The following RMST variants were observed in gnomAD, a reference collection of about 807,000 sequenced individuals.
RMST encodes rhabdomyosarcoma 2 associated transcript.
At chr12:97,467,797 T>C (rs1285017146) in intron 5 of RMST, among the ~76,000 whole-genome samples, 1 of 152,026 alleles carries the variant, frequency 6.6e-6, no homozygotes, top group African/African-American at 2.4e-5. Context: ...ATCTGACCCA[T>C]TTGCCTGAAT....
At chr12:97,545,446 C>T (rs754561489) in intron 11 of RMST, among the ~76,000 whole-genome samples, 1 of 151,998 alleles carries the variant, frequency 6.6e-6, no homozygotes, top group Non-Finnish European at 1.5e-5. Context: ...ATTATTAATG[C>T]TGTGGATAAT....
At chr12:97,546,719 ATGT>A (rs1391987389) in intron 11 of RMST, among the ~76,000 whole-genome samples, 1 of 152,108 alleles carries the variant, frequency 6.6e-6, no homozygotes, top group Non-Finnish European at 1.5e-5. Flanking sequence ...GTACAATATG[ATGT>A]TCTGAAATAT....
intron 11 of RMST, among the ~76,000 whole-genome samples, chr12:97,549,557 A>C (rs1306748138): frequency 1.3e-5 from 2 of 152,206 alleles, no homozygotes; most frequent in Non-Finnish European, 2.9e-5. Context: ...TGTCTGTCTC[A>C]AGGGGTAGAC....
At chr12:97,464,272 C>A (rs760134731) in intron 4 of RMST, among the ~76,000 whole-genome samples, 4 of 152,138 alleles carry the variant, frequency 2.6e-5, no homozygotes. Context: ...GTACCAAAAA[C>A]TTTCATTTCC....
At chr12:97,481,639 C>T (rs1252055897) in intron 5 of RMST, among the ~76,000 whole-genome samples, 1 of 152,098 alleles carries the variant, frequency 6.6e-6, no homozygotes, top group African/African-American at 2.4e-5. Context: ...TAATGAAATG[C>T]CAAACAAGCC....
At chr12:97,528,183 A>G (rs543621981) in intron 10 of RMST, among the ~76,000 whole-genome samples, 7 of 152,284 alleles carry the variant, frequency 4.6e-5, no homozygotes, top group Admixed American at 3.3e-4. Flanking sequence ...TTCTAATTCT[A>G]CAAAACATAT....
chr12:97,559,789 T>C (rs1346040596), intron 11 of RMST, among the ~76,000 whole-genome samples: 1 of 152,196 alleles, frequency 6.6e-6, no homozygotes, highest in Non-Finnish European at 1.5e-5. Flanking sequence ...ACTGATTACA[T>C]TGCAAACTAT....
chr12:97,538,538 T>C (rs1882262540), intron 11 of RMST, among the ~76,000 whole-genome samples: 1 of 151,356 alleles, frequency 6.6e-6, no homozygotes, highest in Non-Finnish European at 1.5e-5. Flanking sequence ...CCCAAGAGGC[T>C]AAATAACTGT....
chr12:97,512,104 G>A (rs1879388964), intron 10 of RMST, among the ~76,000 whole-genome samples: 1 of 152,132 alleles, frequency 6.6e-6, no homozygotes, highest in Non-Finnish European at 1.5e-5. Context: ...TGTGTTCAGA[G>A]TTTCTTCTGT....
At chr12:97,531,133 A>G (rs1345821674) in intron 11 of RMST, among the ~76,000 whole-genome samples, 1 of 151,882 alleles carries the variant, frequency 6.6e-6, no homozygotes, top group East Asian at 1.9e-4. Context: ...TTTTCAGAAT[A>G]AGTATTTGGT....
At position 97,467,819 on chromosome 12, in the gene RMST, G is replaced by A. The variant is rs148347023; in HGVS notation, n.644+2092G>A. On this transcript the variant is annotated intron_variant and non_coding_transcript_variant, in intron 5 of 13. Coordinates refer to ENST00000640149, the Ensembl canonical transcript of RMST. Reference sequence around the variant, plus strand: ...CCATTTGCCTGAATTTGGGAGAGGCGGGGGAAAGGCTAAAACCTGGTTCAT... The same window carrying A: ...CCATTTGCCTGAATTTGGGAGAGGCAGGGGAAAGGCTAAAACCTGGTTCAT... Among the ~76,000 whole-genome samples the A allele has an allele frequency of 1.7e-3, 251 of 152,074 alleles. 3 individuals are homozygous for A. Among genetic ancestry groups the A allele is most frequent in the African/African-American group, 5.4e-3 (226 of 41,548 alleles).
rs79376133 is a variant in RMST, at chr12:97,498,905, T to G, written n.1340+2849T>G. ...GGTCAGATACTAAGCTGATGAGGTTTCAGGCATCGGTAGCAGCTGGAGACA... is the reference window on the plus strand; with the variant it reads ...GGTCAGATACTAAGCTGATGAGGTTGCAGGCATCGGTAGCAGCTGGAGACA... On this transcript the variant is annotated intron_variant and non_coding_transcript_variant, in intron 10 of 13. Transcript: ENST00000640149. Among the ~76,000 whole-genome samples, 31 of 152,324 alleles carry G rather than the reference T, an allele frequency of 2.0e-4. 1 individual carries two copies. The East Asian group carries it at 6.0e-3, about 29-fold the overall frequency.
At chr12:97,560,216 A>T (rs922339754) in intron 11 of RMST, among the ~76,000 whole-genome samples, 6 of 152,220 alleles carry the variant, frequency 3.9e-5, no homozygotes, top group Non-Finnish European at 7.3e-5. Flanking sequence ...ATAGTAGGGA[A>T]CAAAACACGT....
At chr12:97,562,679 G>T (rs1884209317) in intron 13 of RMST, among the ~76,000 whole-genome samples, 1 of 152,216 alleles carries the variant, frequency 6.6e-6, no homozygotes, top group Non-Finnish European at 1.5e-5. Flanking sequence ...TGAGATTAAT[G>T]AATATAAACT....
intron 5 of RMST, chr12:97,483,374 T>C (rs1446613093): frequency 1.3e-5 from 2 of 152,190 alleles, no homozygotes; most frequent in South Asian, 2.1e-4. Context: ...AACATTCTTT[T>C]TGTGGTAAAT....
intron 10 of RMST, among the ~76,000 whole-genome samples, chr12:97,525,911 T>C (rs997111118): frequency 6.6e-6 from 1 of 152,002 alleles, no homozygotes; most frequent in Non-Finnish European, 1.5e-5. Flanking sequence ...AGTGGTGGCG[T>C]TAGATTCTCA....
At position 97,473,207 on chromosome 12, in the gene RMST, T is replaced by C. The variant is rs57850122; in HGVS notation, n.644+7480T>C. Among the ~76,000 whole-genome samples the C allele has an allele frequency of 8.2e-3, 1,242 of 152,244 alleles. 17 individuals are homozygous for C. Among genetic ancestry groups the C allele is most frequent in the African/African-American group, 0.027 (1,112 of 41,560 alleles). On this transcript the variant is annotated intron_variant and non_coding_transcript_variant, in intron 5 of 13. Coordinates refer to ENST00000640149, the Ensembl canonical transcript of RMST. ...AATATTCAGAATAAAGGCTAATTCT[T>C]GGAAATGGATTTTAGAATTTTCAAC...
At chr12:97,503,814 T>C (rs1329343945) in intron 10 of RMST, among the ~76,000 whole-genome samples, 1 of 152,264 alleles carries the variant, frequency 6.6e-6, no homozygotes, top group Non-Finnish European at 1.5e-5. Context: ...ATCTAGAATA[T>C]TGCAGTTCAG....
intron 5 of RMST, among the ~76,000 whole-genome samples, chr12:97,480,928 C>CATA (rs1875200886): frequency 6.6e-6 from 1 of 152,088 alleles, no homozygotes; most frequent in Non-Finnish European, 1.5e-5. Flanking sequence ...CTTATCAATA[C>CATA]CCCGTACATA....
Sources: gnomAD v4.1 joint callset for allele counts (sites outside exome capture counted in the v4.1 genomes callset) on GRCh38, gnomAD v4.1.1 for gene constraint, MANE v1.5 for transcripts, NCBI Gene and HGNC (gene_info 2026-07-23, HGNC 2026-07-21) for gene names.